Variants in MYO5C observed in about 807,000 individuals in gnomAD.
MYO5C encodes the protein unconventional myosin-Vc.
Under a neutral mutation model 235.7 loss-of-function variants are expected in MYO5C, and 194 were observed. That is an observed-to-expected ratio of 0.82 (90% CI 0.73 to 0.93). The LOEUF is 0.93. Ranked by LOEUF, MYO5C falls within the 40% of genes least tolerant of loss-of-function variation. MYO5C has a pLI of 0.00. For synonymous variants in MYO5C, 707 were observed against 754.8 expected (o/e 0.94, Z 1.04); for missense variants, 2,038 against 2,127.2 (o/e 0.96, Z 0.82).
intron 19 of MYO5C, chr15:52,242,632 T>C (rs2036253610): frequency 6.3e-6 from 1 of 158,874 alleles, no homozygotes; most frequent in African/African-American, 2.4e-5. Flanking sequence ...TTGCTGCCCC[T>C]GTCTAAATGA....
At chr15:52,255,155 T>C (rs1347758414) in intron 11 of MYO5C, among the ~76,000 whole-genome samples, 1 of 152,232 alleles carries the variant, frequency 6.6e-6, no homozygotes, top group Non-Finnish European at 1.5e-5. Context: ...GACACATACA[T>C]ACAATGTGTA....
At chr15:52,244,262 G>T in intron 19 of MYO5C, 94 bp downstream of exon 19, 1 of 1,281,674 alleles carries the variant, frequency 7.8e-7, no homozygotes, top group Non-Finnish European at 1.1e-6. Context: ...GGTCACAGGA[G>T]AAAGGTCCCT....
At chr15:52,237,675 A>ATCT in intron 21 of MYO5C, 29 bp from the exon 22 acceptor site, 1 of 1,587,682 alleles carries the variant, frequency 6.3e-7, no homozygotes, top group Non-Finnish European at 8.5e-7. Context: ...AGATGTTTAG[A>ATCT]GGTTAATCCA....
At chr15:52,255,691 G>C (rs1334486652) in intron 11 of MYO5C, among the ~76,000 whole-genome samples, 6 of 151,746 alleles carry the variant, frequency 4.0e-5, no homozygotes, top group Non-Finnish European at 7.4e-5. Flanking sequence ...TGCATCTAGG[G>C]AACTGATTTA....
chr15:52,225,575 G>C (rs531029918), intron 25 of MYO5C, 43 bp from the exon 26 acceptor site: 4 of 1,344,990 alleles, frequency 3.0e-6, no homozygotes, highest in Admixed American at 1.7e-5. Flanking sequence ...AAAAAACAAC[G>C]ATTATGCTTT....
rs77789979 is a variant in MYO5C, at chr15:52,213,767, A to C, written c.4043-481T>G. Among the ~76,000 whole-genome samples the C allele has an allele frequency of 1.9e-3, 283 of 152,368 alleles. 2 individuals are homozygous for C. The highest frequency in any genetic ancestry group is 6.7e-3 in the African/African-American group (278 of 41,586). ...GTTTAATCATACAGCTCTGGAGGTC[A>C]GAAGTCTGAAAGGTGAGCCAGGGTG... On this transcript the variant is annotated intron_variant, in intron 33 of 40. Coordinates refer to ENST00000261839, the MANE Select transcript of MYO5C (RefSeq NM_018728.4).
rs747796378 is a variant in MYO5C at position 52,211,902 on chromosome 15, A to G, written c.4142-18T>C. On this transcript the variant is annotated intron_variant, in intron 34 of 40. Coordinates refer to ENST00000261839, the MANE Select transcript of MYO5C (RefSeq NM_018728.4). Reference sequence around the variant, plus strand: ...CTTCAAGTCTGAAGCAGAGAGAGCCAATGAGGATTACAGCTGACAGGTCAG... The same window carrying G: ...CTTCAAGTCTGAAGCAGAGAGAGCCGATGAGGATTACAGCTGACAGGTCAG... 51 of 1,611,508 alleles carry G rather than the reference A, an allele frequency of 3.2e-5. No homozygotes were observed. In the East Asian group the frequency reaches 1.1e-3, roughly 35 times the overall value.
At chr15:52,293,689 T>C (rs904836459) in intron 1 of MYO5C, among the ~76,000 whole-genome samples, 3 of 152,092 alleles carry the variant, frequency 2.0e-5, no homozygotes, top group Middle Eastern at 3.4e-3. Context: ...CCACCCTCCA[T>C]GGCCAACACT....
At chr15:52,292,149 A>G (rs1566998344) in intron 1 of MYO5C, among the ~76,000 whole-genome samples, 1 of 152,132 alleles carries the variant, frequency 6.6e-6, no homozygotes, top group Non-Finnish European at 1.5e-5. Flanking sequence ...TAATGGCTTC[A>G]TGCTGTTTTA....
intron 7 of MYO5C, among the ~76,000 whole-genome samples, chr15:52,270,406 C>G (rs959960194): frequency 6.6e-5 from 10 of 152,162 alleles, no homozygotes; most frequent in African/African-American, 2.4e-4. Context: ...AGGCCTAACT[C>G]TAAAGCTCAT....
At chr15:52,201,181 A>G (rs1398331873) in intron 38 of MYO5C, among the ~76,000 whole-genome samples, 1 of 152,206 alleles carries the variant, frequency 6.6e-6, no homozygotes, top group Non-Finnish European at 1.5e-5. Flanking sequence ...AGATTCAAGA[A>G]GCTCAGGAAA....
rs767863888 is a variant in MYO5C, at chr15:52,213,289, G to A, written c.4043-3C>T. ...TGAGGACGAGTGCACATCATTGGCTGTAGACAGAGGCAAACAATCAGCTAA... is the reference window on the plus strand; with the variant it reads ...TGAGGACGAGTGCACATCATTGGCTATAGACAGAGGCAAACAATCAGCTAA... On this transcript the variant is annotated splice_region_variant and splice_polypyrimidine_tract_variant and intron_variant, in intron 33 of 40. Transcript: ENST00000261839. 7 of 1,608,118 alleles carry A rather than the reference G, an allele frequency of 4.4e-6. No homozygotes were observed. Among genetic ancestry groups the A allele is most frequent in the Non-Finnish European group, 6.0e-6 (7 of 1,174,590 alleles).
In MYO5C at chr15:52,295,501, C is replaced by A. The variant is rs1318458674; in HGVS notation, c.27+109G>T. 1.0e-5 allele frequency: 13 copies of A among 1,299,216 alleles called. No individual in the cohort carries two copies. In the South Asian group the frequency reaches 1.6e-4, roughly 16 times the overall value. 80.5% of individuals were successfully genotyped at this position (1,299,216 alleles called of 1,614,324 possible). ...CCCAGCGCGCGCCCGCCCGCCCTGC[C>A]GTGTCAGGTGCGCAGGTGTGGCAGG... On this transcript the variant is annotated intron_variant, in intron 1 of 40. Coordinates refer to ENST00000261839, the MANE Select transcript of MYO5C (RefSeq NM_018728.4).
chr15:52,231,675 A>G (rs552473452), intron 24 of MYO5C, among the ~76,000 whole-genome samples: 104 of 152,218 alleles, frequency 6.8e-4, no homozygotes, highest in African/African-American at 2.5e-3. Context: ...TGCTCACTGC[A>G]TGGGGAAGTT....
chr15:52,246,912 C>G lies in MYO5C; in HGVS notation c.1979+5G>C, dbSNP rs372025537. The G allele has an allele frequency of 3.1e-6, 5 of 1,611,534 alleles. No homozygotes were observed. The highest frequency in any genetic ancestry group is 1.7e-5 in the Admixed American group (1 of 59,534). ...CTTCGCTGTGTGTTGCATAAGAACACTTACTCAAAGGGTAACTTCTCATCA... is the reference window on the plus strand; with the variant it reads ...CTTCGCTGTGTGTTGCATAAGAACAGTTACTCAAAGGGTAACTTCTCATCA... On this transcript the variant is annotated splice_donor_5th_base_variant and intron_variant, in intron 16 of 40. Transcript: ENST00000261839.
At chr15:52,244,177 C>T (rs2036285646) in intron 19 of MYO5C, among the ~76,000 whole-genome samples, 179 bp downstream of exon 19, 1 of 152,124 alleles carries the variant, frequency 6.6e-6, no homozygotes, top group Non-Finnish European at 1.5e-5. Flanking sequence ...CCAGCACTAC[C>T]TGCCCCTGAG....
At chr15:52,264,449 T>A (rs1318443759) in intron 8 of MYO5C, among the ~76,000 whole-genome samples, 153 bp from the exon 9 acceptor site, 1 of 152,130 alleles carries the variant, frequency 6.6e-6, no homozygotes, top group African/African-American at 2.4e-5. Context: ...TGGGGCACTG[T>A]TCCTTCTAGT....
chr15:52,256,495 T>C (rs1253099137), intron 11 of MYO5C, 144 bp downstream of exon 11: 1 of 600,088 alleles, frequency 1.7e-6, no homozygotes, highest in Admixed American at 3.1e-5. Flanking sequence ...GGTGGTGCAG[T>C]GACCCAGCGT....
At chr15:52,223,499 C>T (rs1312251957) in intron 29 of MYO5C, 45 bp downstream of exon 29, 3 of 1,573,070 alleles carry the variant, frequency 1.9e-6, no homozygotes, top group South Asian at 1.2e-5. Context: ...CAAAGAACAA[C>T]TCTAGTATGA....
Sources: gnomAD v4.1 joint callset for allele counts (sites outside exome capture counted in the v4.1 genomes callset) on GRCh38, gnomAD v4.1.1 for gene constraint, MANE v1.5 for transcripts, NCBI Gene and HGNC (gene_info 2026-07-23, HGNC 2026-07-21) for gene names.